NTM: variants seen among roughly 807,000 people sequenced by gnomAD.
NTM encodes the protein IgLON family member 2.
NTM carries 13 observed loss-of-function variants against 42.1 expected under a neutral mutation model. That is an observed-to-expected ratio of 0.31 (90% CI 0.20 to 0.49). The LOEUF (loss-of-function observed/expected upper bound fraction) is 0.49, where lower values mean the gene tolerates loss of function less well. Ranked by LOEUF, NTM falls within the 20% of genes least tolerant of loss-of-function variation. NTM has a pLI of 0.99. For synonymous variants in NTM, 187 were observed against 179.2 expected (o/e 1.04, Z -0.35); for missense variants, 373 against 452.8 (o/e 0.82, Z 1.60).
chr11:131,464,907 C>A (rs73588722), intron 1 of NTM, among the ~76,000 whole-genome samples: 1 of 152,120 alleles, frequency 6.6e-6, no homozygotes, highest in African/African-American at 2.4e-5. Flanking sequence ...TGGACAAGAC[C>A]CCCTGTTTTC....
intron 1 of NTM, among the ~76,000 whole-genome samples, chr11:131,722,027 G>GAGAT (rs2078418575): frequency 1.5e-5 from 2 of 132,450 alleles, no homozygotes; most frequent in East Asian, 2.2e-4. Context: ...AAAAAAGAGA[G>GAGAT]AAAGAAAGAA....
intron 1 of NTM, among the ~76,000 whole-genome samples, chr11:131,393,542 C>G (rs1191888990): frequency 6.6e-6 from 1 of 152,198 alleles, no homozygotes; most frequent in South Asian, 2.1e-4. Context: ...ACCGCCCATC[C>G]TTCCCTGTGC....
At chr11:131,905,873 AC>A (rs932608547) in intron 1 of NTM, among the ~76,000 whole-genome samples, 1 of 152,134 alleles carries the variant, frequency 6.6e-6, no homozygotes, top group African/African-American at 2.4e-5. Flanking sequence ...AAGCTAGAGA[AC>A]CAAGATTGTG....
chr11:131,814,220 G>T (rs1388958772), intron 1 of NTM, among the ~76,000 whole-genome samples: 1 of 152,114 alleles, frequency 6.6e-6, no homozygotes, highest in African/African-American at 2.4e-5. Flanking sequence ...TGGCCACTTT[G>T]GGTTTTACTC....
At chr11:131,981,468 C>T (rs1475803521) in intron 2 of NTM, 1 of 152,148 alleles carries the variant, frequency 6.6e-6, no homozygotes, top group East Asian at 1.9e-4. Context: ...TCGTCCTCAA[C>T]TGAGGGATGA....
At chr11:132,049,839 C>T (rs1289615438) in intron 2 of NTM, among the ~76,000 whole-genome samples, 2 of 152,150 alleles carry the variant, frequency 1.3e-5, no homozygotes, top group African/African-American at 4.8e-5. Context: ...AGACATGTCT[C>T]TGATTTGATG....
In NTM at chr11:131,943,538, G is replaced by T. The variant is rs12574460; in HGVS notation, c.167+31890G>T. Among the ~76,000 whole-genome samples the T allele has an allele frequency of 1.9e-3, 294 of 152,238 alleles. 3 individuals carry two copies. The East Asian group carries it at 0.051, about 27-fold the overall frequency. On this transcript the variant is annotated intron_variant, in intron 2 of 8. Transcript: ENST00000683400. ...TCTGATTCCATCAGTCTGGGTTGGC[G>T]CCCTGCCAGAGTGAAAGAGACCAGT...
At chr11:131,754,658 A>G (rs1374361744) in intron 1 of NTM, among the ~76,000 whole-genome samples, 1 of 151,890 alleles carries the variant, frequency 6.6e-6, no homozygotes, top group Non-Finnish European at 1.5e-5. Flanking sequence ...CACAACTACC[A>G]TATAACCCAA....
intron 1 of NTM, among the ~76,000 whole-genome samples, chr11:131,756,923 A>T (rs555567153): frequency 1.2e-3 from 187 of 152,334 alleles, no homozygotes; most frequent in African/African-American, 4.4e-3. Context: ...GTGAAGCAGA[A>T]TCAGGGACTA....
At chr11:131,808,509 T>C (rs756294033) in intron 1 of NTM, among the ~76,000 whole-genome samples, 3 of 152,172 alleles carry the variant, frequency 2.0e-5, no homozygotes, top group Admixed American at 2.0e-4. Context: ...GAAAGCCATA[T>C]CTGTTAAAAA....
chr11:131,956,421 T>G (rs1040873681), intron 2 of NTM, among the ~76,000 whole-genome samples: 2 of 152,132 alleles, frequency 1.3e-5, no homozygotes, highest in Non-Finnish European at 2.9e-5. Context: ...TTATTCTCAG[T>G]AGAGGTGATT....
chr11:131,958,987 C>A (rs184723544), intron 2 of NTM, among the ~76,000 whole-genome samples: 1 of 152,066 alleles, frequency 6.6e-6, no homozygotes, highest in Non-Finnish European at 1.5e-5. Flanking sequence ...GGGGTGCTGG[C>A]GGAAGAAACG....
intron 3 of NTM, among the ~76,000 whole-genome samples, chr11:132,190,730 C>T (rs190238053): frequency 7.9e-6 from 1 of 127,280 alleles, no homozygotes; most frequent in East Asian, 2.1e-4. Context: ...GAGTGAGAAT[C>T]CATCTTAAAA....
In NTM at chr11:132,040,820, T is replaced by C. The variant is rs190093122; in HGVS notation, c.168-105462T>C. ...AGTCTTGAGGATTTTTATCTGTGCA[T>C]GTTCTTTGATTTCAGATTAGGATTC... On this transcript the variant is annotated intron_variant, in intron 2 of 8. Coordinates refer to ENST00000683400, the MANE Select transcript of NTM (RefSeq NM_001352005.2). Among the ~76,000 whole-genome samples, 29 of 152,350 alleles carry C rather than the reference T, an allele frequency of 1.9e-4. No homozygotes were observed. The East Asian group carries it at 5.6e-3, about 29-fold the overall frequency.
At chr11:131,727,114 G>A (rs2135448347) in intron 1 of NTM, among the ~76,000 whole-genome samples, 1 of 151,342 alleles carries the variant, frequency 6.6e-6, no homozygotes, top group Middle Eastern at 3.4e-3. Context: ...TCCAGTCCAT[G>A]CCTTTATGGG....
At chr11:131,920,700 G>C (rs1365637588) in intron 2 of NTM, among the ~76,000 whole-genome samples, 7 of 152,128 alleles carry the variant, frequency 4.6e-5, no homozygotes, top group Non-Finnish European at 1.5e-5. Flanking sequence ...GGTTAGATTT[G>C]TCTTATAAAA....
rs926277873 is a variant in NTM, at chr11:131,688,236, G to A, written c.83-223328G>A. Among the ~76,000 whole-genome samples the A allele has an allele frequency of 3.7e-4, 56 of 152,284 alleles. 1 individual carries two copies. Among genetic ancestry groups the A allele is most frequent in the South Asian group, 1.0e-3 (5 of 4,820 alleles). On this transcript the variant is annotated intron_variant, in intron 1 of 8. Transcript: ENST00000683400. The stretch of plus-strand genomic sequence containing the variant: ...AGCTGGAGAACAGGCTCCCGGGGCG[G>A]GGGAGGGCCCCTCTCAGCGGACTCC...
chr11:131,915,995 C>T lies in NTM; in HGVS notation c.167+4347C>T, dbSNP rs143217732. Among the ~76,000 whole-genome samples the T allele has an allele frequency of 7.2e-5, 11 of 152,326 alleles. No individual in the cohort carries two copies. The East Asian group carries it at 9.6e-4, about 13-fold the overall frequency. The stretch of plus-strand genomic sequence containing the variant: ...GGGTGTTTGGGTGTGGAAAGGCGTA[C>T]GGCCTGGACTTGGCTTTTGGGGGCT... On this transcript the variant is annotated intron_variant, in intron 2 of 8. Coordinates refer to ENST00000683400, the MANE Select transcript of NTM (RefSeq NM_001352005.2).
In NTM at chr11:131,632,961, C is replaced by T. The variant is rs896037934; in HGVS notation, c.82+262073C>T. ...GTGCTAGGATTACAGGCGTGAGCCA[C>T]CGCGCCACTCGGGCAGCTTTGTTCA... On this transcript the variant is annotated intron_variant, in intron 1 of 8. Coordinates refer to ENST00000683400, the MANE Select transcript of NTM (RefSeq NM_001352005.2). Among the ~76,000 whole-genome samples the T allele has an allele frequency of 4.1e-5, 6 of 146,948 alleles. 1 individual carries two copies. The highest frequency in any genetic ancestry group is 1.6e-4 in the African/African-American group (6 of 36,822).
Sources: gnomAD v4.1 joint callset for allele counts (sites outside exome capture counted in the v4.1 genomes callset) on GRCh38, gnomAD v4.1.1 for gene constraint, MANE v1.5 for transcripts, NCBI Gene and HGNC (gene_info 2026-07-23, HGNC 2026-07-21) for gene names.